ANXA6: variants seen among roughly 807,000 people sequenced by gnomAD.
ANXA6 encodes the protein annexin A6.
Under a neutral mutation model 95.4 loss-of-function variants are expected in ANXA6, and 71 were observed. The ratio of observed to expected loss-of-function variants is 0.74; its 90% CI spans 0.61 to 0.91. The LOEUF (loss-of-function observed/expected upper bound fraction) is 0.91, where lower values mean the gene tolerates loss of function less well. ANXA6 is among the 40% of genes least tolerant of loss of function. The pLI, the probability that ANXA6 is intolerant of heterozygous loss-of-function variation, is 0.00. For missense variants in ANXA6, 830 were observed against 876.4 expected (o/e 0.95, Z 0.67); for synonymous variants, 289 against 315.9 (o/e 0.91, Z 0.90).
At chr5:151,128,136 A>AC (rs1554085239) in intron 13 of ANXA6, 45 bp downstream of exon 13, 1 of 1,560,948 alleles carries the variant, frequency 6.4e-7, no homozygotes, top group Non-Finnish European at 8.8e-7. Flanking sequence ...CCCGCCTGGC[A>AC]CCCCAAGGCC....
intron 17 of ANXA6, 123 bp from the exon 18 acceptor site, chr5:151,119,513 T>C (rs1411893599): frequency 6.4e-6 from 5 of 786,500 alleles, no homozygotes; most frequent in East Asian, 5.3e-5. Context: ...CCTCCAGACA[T>C]GGCCCTCAGG....
At chr5:151,117,236 CTG>C in intron 19 of ANXA6, 56 bp from the exon 20 acceptor site, 2 of 1,511,112 alleles carry the variant, frequency 1.3e-6, no homozygotes. Context: ...ATCTCCATCT[CTG>C]TACCACCACA....
chr5:151,101,993 G>C (rs993655013), intron 25 of ANXA6, among the ~76,000 whole-genome samples: 1 of 152,240 alleles, frequency 6.6e-6, no homozygotes, highest in Admixed American at 6.5e-5. Context: ...GGCATATCGT[G>C]TTAGGTGATT....
At chr5:151,150,710 C>T (rs573384129) in intron 1 of ANXA6, among the ~76,000 whole-genome samples, 17 of 152,286 alleles carry the variant, frequency 1.1e-4, no homozygotes, top group African/African-American at 3.4e-4. Context: ...GGAAACTGTA[C>T]CCCCTTTCCA....
intron 1 of ANXA6, among the ~76,000 whole-genome samples, chr5:151,156,585 G>A (rs1766243322): frequency 6.6e-6 from 1 of 152,188 alleles, no homozygotes; most frequent in Admixed American, 6.5e-5. Flanking sequence ...CTCTTGGGGG[G>A]AAACCAGAGT....
intron 21 of ANXA6, 71 bp downstream of exon 21, chr5:151,110,556 C>T (rs1764821097): frequency 1.3e-6 from 2 of 1,536,022 alleles, no homozygotes; most frequent in African/African-American, 1.4e-5. Context: ...TCGATACTGC[C>T]CCGCTCGGCC....
intron 12 of ANXA6, 50 bp downstream of exon 12, chr5:151,129,357 T>C: frequency 6.2e-7 from 1 of 1,607,476 alleles, no homozygotes; most frequent in Non-Finnish European, 8.5e-7. Context: ...GCCCTCTGTC[T>C]TGGCAAAAAG....
intron 15 of ANXA6, among the ~76,000 whole-genome samples, chr5:151,123,557 C>T (rs571531823): frequency 6.6e-6 from 1 of 152,310 alleles, no homozygotes; most frequent in African/African-American, 2.4e-5. Flanking sequence ...ACAGACCCAG[C>T]ACAGGGGTCT....
chr5:151,114,030 A>G (rs565938850), intron 20 of ANXA6, among the ~76,000 whole-genome samples: 2 of 152,374 alleles, frequency 1.3e-5, no homozygotes, highest in African/African-American at 4.8e-5. Context: ...AAGCCAGTCC[A>G]AAAGGCCACG....
intron 25 of ANXA6, among the ~76,000 whole-genome samples, chr5:151,102,709 C>G (rs945183616): frequency 6.6e-5 from 10 of 151,966 alleles, no homozygotes; most frequent in Non-Finnish European, 1.0e-4. Context: ...GTCTCAAAAA[C>G]AAACAAACAA....
chr5:151,126,569 CACCCCA>C, intron 13 of ANXA6, 89 bp from the exon 14 acceptor site: 1 of 941,304 alleles, frequency 1.1e-6, no homozygotes, highest in Non-Finnish European at 1.7e-6. Flanking sequence ...CACACACACA[CACCCCA>C]ACACATACAC....
At chr5:151,102,671 T>C (rs951896076) in intron 25 of ANXA6, among the ~76,000 whole-genome samples, 42 of 152,112 alleles carry the variant, frequency 2.8e-4, no homozygotes, top group African/African-American at 9.7e-4. Context: ...ACTGCTGCAC[T>C]CCAGCCTGGG....
intron 20 of ANXA6, among the ~76,000 whole-genome samples, chr5:151,111,561 C>T (rs752193002): frequency 1.2e-4 from 19 of 152,156 alleles, no homozygotes; most frequent in Non-Finnish European, 1.8e-4. Flanking sequence ...AAGCCTTCCA[C>T]GATAGAATAC....
intron 20 of ANXA6, among the ~76,000 whole-genome samples, chr5:151,116,850 C>T (rs1448934485): frequency 6.6e-6 from 1 of 152,192 alleles, no homozygotes; most frequent in Non-Finnish European, 1.5e-5. Context: ...CCTTTCTGGA[C>T]CTCCATTTTC....
At position 151,139,459 on chromosome 5, in the gene ANXA6, G is replaced by T; in HGVS notation, c.110-12C>A. The T allele has an allele frequency of 6.2e-7, 1 of 1,601,940 alleles. No homozygotes were observed. The highest frequency in any genetic ancestry group is 8.6e-7 in the Non-Finnish European group (1 of 1,169,436). On this transcript the variant is annotated splice_polypyrimidine_tract_variant and intron_variant, in intron 3 of 25. Transcript: ENST00000354546. ...CTCCTTGTCACTGCCTGGAATAGGGGAGAGCAATCATCATCCTACCCACCC... is the reference window on the plus strand; with the variant it reads ...CTCCTTGTCACTGCCTGGAATAGGGTAGAGCAATCATCATCCTACCCACCC...
At chr5:151,145,466 A>C (rs867461837) in intron 2 of ANXA6, among the ~76,000 whole-genome samples, 2 of 152,202 alleles carry the variant, frequency 1.3e-5, no homozygotes, top group South Asian at 4.1e-4. Flanking sequence ...TGGGTCTTCC[A>C]TGGCACCATC....
At chr5:151,131,956 G>A (rs1274322452) in intron 10 of ANXA6, among the ~76,000 whole-genome samples, 2 of 152,160 alleles carry the variant, frequency 1.3e-5, no homozygotes, top group Non-Finnish European at 2.9e-5. Context: ...CCATGTGGGA[G>A]AAGCCCTGGT....
chr5:151,141,913 G>A (rs531262956), intron 2 of ANXA6, among the ~76,000 whole-genome samples: 2 of 152,174 alleles, frequency 1.3e-5, no homozygotes, highest in Non-Finnish European at 2.9e-5. Flanking sequence ...CCTCACGGCC[G>A]GAGCTTGAGA....
intron 2 of ANXA6, among the ~76,000 whole-genome samples, chr5:151,143,380 C>T (rs1765888331): frequency 1.3e-5 from 2 of 152,054 alleles, no homozygotes; most frequent in African/African-American, 4.8e-5. Context: ...TATGCCATTT[C>T]GACCCTATAT....
Sources: gnomAD v4.1 joint callset for allele counts (sites outside exome capture counted in the v4.1 genomes callset) on GRCh38, gnomAD v4.1.1 for gene constraint, MANE v1.5 for transcripts, NCBI Gene and HGNC (gene_info 2026-07-23, HGNC 2026-07-21) for gene names.